The following DYNC2H1 variants were observed in gnomAD, a reference collection of about 807,000 sequenced individuals.
The protein encoded by DYNC2H1 is dynein cytoplasmic 2 heavy chain 1.
In DYNC2H1, 410 loss-of-function variants were observed where a neutral mutation model predicts 570.0. The observed-to-expected ratio is 0.72, with a 90% confidence interval of 0.66 to 0.78. The LOEUF (loss-of-function observed/expected upper bound fraction) is 0.78. DYNC2H1 is among the 30% of genes least tolerant of loss of function. DYNC2H1 has a pLI of 0.00. For missense variants in DYNC2H1, 4,865 were observed against 5,046.4 expected (o/e 0.96, Z 1.09); for synonymous variants, 1,688 against 1,677.6 (o/e 1.01, Z -0.15).
intron 69 of DYNC2H1, 74 bp from the exon 70 acceptor site, chr11:103,259,814 T>C: frequency 9.8e-7 from 1 of 1,018,826 alleles, no homozygotes; most frequent in Non-Finnish European, 1.4e-6. Flanking sequence ...GCTTTGAATC[T>C]GGAGGAACAA....
chr11:103,217,896 G>T (rs61896662), intron 55 of DYNC2H1, among the ~76,000 whole-genome samples: 1 of 152,070 alleles, frequency 6.6e-6, no homozygotes, highest in South Asian at 2.1e-4. Context: ...AGTTTAACAT[G>T]AACAAAAGAT....
At chr11:103,413,453 C>T (rs977339330) in intron 84 of DYNC2H1, among the ~76,000 whole-genome samples, 18 of 152,086 alleles carry the variant, frequency 1.2e-4, no homozygotes, top group Non-Finnish European at 2.2e-4. Flanking sequence ...TTGATACTCT[C>T]ATCCTGCTTT....
intron 82 of DYNC2H1, among the ~76,000 whole-genome samples, chr11:103,353,755 A>G (rs1940168131): frequency 2.0e-5 from 3 of 152,174 alleles, no homozygotes; most frequent in Admixed American, 2.0e-4. Flanking sequence ...AAATATATAT[A>G]CATATGTTTA....
At chr11:103,175,669 G>A (rs1360671660) in intron 36 of DYNC2H1, among the ~76,000 whole-genome samples, 2 of 152,160 alleles carry the variant, frequency 1.3e-5, no homozygotes, top group Admixed American at 1.3e-4. Context: ...TTTGAACAAG[G>A]CTGATCAAAG....
At chr11:103,174,644 C>G (rs1160414720) in intron 36 of DYNC2H1, among the ~76,000 whole-genome samples, 1 of 152,064 alleles carries the variant, frequency 6.6e-6, no homozygotes, top group African/African-American at 2.4e-5. Context: ...GTAGGATTTT[C>G]TCTTTCTAAA....
chr11:103,332,381 T>C (rs1938860130), intron 82 of DYNC2H1, among the ~76,000 whole-genome samples: 1 of 150,326 alleles, frequency 6.7e-6, no homozygotes, highest in South Asian at 2.1e-4. Flanking sequence ...ATCTAACCAT[T>C]GTATAATTAG....
At chr11:103,342,950 A>G (rs1311854013) in intron 82 of DYNC2H1, among the ~76,000 whole-genome samples, 1 of 151,992 alleles carries the variant, frequency 6.6e-6, no homozygotes, top group Non-Finnish European at 1.5e-5. Context: ...TTTGCTTGCT[A>G]TTCTGTCCTA....
At chr11:103,354,461 T>A (rs912797946) in intron 82 of DYNC2H1, among the ~76,000 whole-genome samples, 1 of 152,100 alleles carries the variant, frequency 6.6e-6, no homozygotes. Flanking sequence ...AATATGATTG[T>A]TTTTTAGTGT....
At chr11:103,318,874 A>T (rs1395054811) in intron 80 of DYNC2H1, among the ~76,000 whole-genome samples, 2 of 151,936 alleles carry the variant, frequency 1.3e-5, no homozygotes, top group Non-Finnish European at 2.9e-5. Flanking sequence ...GCTTCTTCCT[A>T]CTCCTTTCTA....
rs746390609 is a variant in DYNC2H1 at position 103,479,074 on chromosome 11, A to C, written c.12766-21A>C. 10 of 1,612,516 alleles carry C rather than the reference A, an allele frequency of 6.2e-6. 1 individual carries two copies. The African/African-American group carries it at 1.2e-4, about 19-fold the overall frequency. On this transcript the variant is annotated intron_variant, in intron 88 of 88. Coordinates refer to ENST00000375735, the MANE Select transcript of DYNC2H1 (RefSeq NM_001377.3). ...CAAATAGTGTATTGCTTTATTTTAAAACAAGTTATTTTTTAAACAGGATGC... is the reference window on the plus strand; with the variant it reads ...CAAATAGTGTATTGCTTTATTTTAACACAAGTTATTTTTTAAACAGGATGC...
At chr11:103,304,287 T>C (rs1867179358) in intron 76 of DYNC2H1, among the ~76,000 whole-genome samples, 1 of 151,950 alleles carries the variant, frequency 6.6e-6, no homozygotes, top group Admixed American at 6.6e-5. Context: ...TTCTAGTCAA[T>C]CATAGTTAGA....
rs1867239480 is a variant in DYNC2H1, at chr11:103,305,428, G to A, written c.11382+708G>A. ...TGATAGTACTAGACGGGCCAGGCAG[G>A]GAAGCGTGGGGAAATTGAATTAGAT... On this transcript the variant is annotated intron_variant, in intron 77 of 88. Coordinates refer to ENST00000375735, the MANE Select transcript of DYNC2H1 (RefSeq NM_001377.3). The surrounding 1 kb of genome is among the most constrained non-coding windows in gnomAD (Gnocchi z 4.3). Among the ~76,000 whole-genome samples the A allele has an allele frequency of 1.3e-5, 2 of 152,150 alleles. No homozygotes were observed. Among genetic ancestry groups the A allele is most frequent in the African/African-American group, 4.8e-5 (2 of 41,438 alleles).
At chr11:103,320,843 T>A (rs1377603218) in intron 80 of DYNC2H1, among the ~76,000 whole-genome samples, 186 bp from the exon 81 acceptor site, 1 of 152,178 alleles carries the variant, frequency 6.6e-6, no homozygotes, top group African/African-American at 2.4e-5. Context: ...AATTTATACA[T>A]GTAAAATATT....
chr11:103,303,302 AC>A lies in DYNC2H1; in HGVS notation c.11256+50del, dbSNP rs138106415. ...TTTTGTTTTTGCTATTGCTGTTCCC[AC>A]ACTTGATGATATTGGTCAAATGGAC... is the stretch of plus-strand genomic sequence containing the variant. On this transcript the variant is annotated intron_variant, in intron 76 of 88. Coordinates refer to ENST00000375735, the MANE Select transcript of DYNC2H1 (RefSeq NM_001377.3). 3,913 of 1,570,924 alleles carry A rather than the reference AC, an allele frequency of 2.5e-3. 78 individuals carry two copies. The African/African-American group carries it at 0.043, about 17-fold the overall frequency.
At position 103,163,132 on chromosome 11, in the gene DYNC2H1, T is replaced by C. The variant is rs1861165197; in HGVS notation, c.4596T>C (p.Ser1532=). The C allele has an allele frequency of 6.2e-7, 1 of 1,611,794 alleles. No homozygotes were observed. ...GRSSQGAVDP[S]LFPSQILCLA... ...GTTCTCAAGGTGCAGTTGACCCATC[T>C]CTGTTCCCTTCACAGGTAAGGGGGC... is the stretch of plus-strand genomic sequence containing the variant. The change falls in exon 30 of 89, where the codon TCT becomes TCC. Residue 1532 remains serine, a synonymous_variant. Coordinates refer to ENST00000375735, the MANE Select transcript of DYNC2H1 (RefSeq NM_001377.3). The surrounding 1 kb of genome is among the most constrained non-coding windows in gnomAD (Gnocchi z 4.6).
Position 103,462,231 on chromosome 11 carries a change from T to C in DYNC2H1, c.12648+5875T>C, listed in dbSNP as rs147432555. On this transcript the variant is annotated intron_variant, in intron 87 of 88. Coordinates refer to ENST00000375735, the MANE Select transcript of DYNC2H1 (RefSeq NM_001377.3). ...CTGTATTCATCTGCTTGCTTCCTTATGTTAGTAAACTTTTGTTCCTCTGTC... is the reference window on the plus strand; with the variant it reads ...CTGTATTCATCTGCTTGCTTCCTTACGTTAGTAAACTTTTGTTCCTCTGTC... Among the ~76,000 whole-genome samples the C allele has an allele frequency of 7.1e-3, 1,076 of 152,300 alleles. 15 individuals carry two copies. The highest frequency in any genetic ancestry group is 0.024 in the African/African-American group (999 of 41,572).
intron 79 of DYNC2H1, 94 bp downstream of exon 79, chr11:103,312,127 T>C: frequency 1.5e-6 from 2 of 1,364,294 alleles, no homozygotes; most frequent in Non-Finnish European, 2.0e-6. Context: ...ATGCCTGTAA[T>C]CCCAGTACTG....
chr11:103,142,892 G>A (rs1474754260), intron 17 of DYNC2H1, among the ~76,000 whole-genome samples: 2 of 152,102 alleles, frequency 1.3e-5, no homozygotes, highest in African/African-American at 4.8e-5. Flanking sequence ...TTTCTTAACT[G>A]CCACTGCAAT....
chr11:103,370,926 G>A (rs1043065557), intron 83 of DYNC2H1, among the ~76,000 whole-genome samples: 57 of 152,006 alleles, frequency 3.7e-4, no homozygotes, highest in African/African-American at 1.3e-3. Context: ...ACACCTGCAA[G>A]CATTAACACC....
Sources: allele counts gnomAD v4.1 joint callset (sites outside exome capture counted in the v4.1 genomes callset), GRCh38; gene constraint gnomAD v4.1.1; non-coding constraint Gnocchi (gnomAD v3.1); transcripts MANE v1.5; gene names NCBI Gene and HGNC (gene_info 2026-07-23, HGNC 2026-07-21).